The following CHD9 variants were observed in gnomAD, a reference collection of about 807,000 sequenced individuals.
CHD9 encodes ATP-dependent chromatin remodeler CHD9.
Under a neutral mutation model 316.1 loss-of-function variants are expected in CHD9, and 77 were observed. The observed-to-expected ratio is 0.24, with a 90% CI of 0.20 to 0.29. The LOEUF (loss-of-function observed/expected upper bound fraction) is 0.29, where lower values mean the gene tolerates loss of function less well. Ranked by LOEUF, CHD9 falls within the 10% of genes least tolerant of loss-of-function variation. The probability of loss-of-function intolerance (pLI) is 1.00; values close to 1 mark genes in which losing one functional copy is unlikely to be tolerated. For missense variants in CHD9, 2,763 were observed against 3,438.1 expected (o/e 0.80, Z 4.91); for synonymous variants, 1,129 against 1,158.3 (o/e 0.97, Z 0.51).
chr16:53,124,860 C>T (rs2038902442), intron 1 of CHD9, among the ~76,000 whole-genome samples: 1 of 152,100 alleles, frequency 6.6e-6, no homozygotes, highest in African/African-American at 2.4e-5. Flanking sequence ...GGCCCTCCCA[C>T]TACACGTGGG....
At position 53,098,246 on chromosome 16, in the gene CHD9, C is replaced by T. The variant is rs547218427; in HGVS notation, c.-165+43169C>T. Among the ~76,000 whole-genome samples the T allele has an allele frequency of 3.5e-4, 52 of 150,314 alleles. 1 individual carries two copies. The highest frequency in any genetic ancestry group is 7.6e-3 in the Middle Eastern group (2 of 264). On this transcript the variant is annotated intron_variant, in intron 1 of 38. Coordinates refer to ENST00000447540, the MANE Select transcript of CHD9 (RefSeq NM_001308319.2). ...ATCCCAGCACTTTGGGAGGCCGAGG[C>T]GGGTGGATCACCTGAGGTCAGGAGT...
chr16:53,240,654 TA>T (rs1322277840), intron 12 of CHD9, among the ~76,000 whole-genome samples: 1 of 152,078 alleles, frequency 6.6e-6, no homozygotes, highest in Non-Finnish European at 1.5e-5. Context: ...CATTATCGAA[TA>T]GCTTGAAATA....
chr16:53,267,192 C>A, intron 20 of CHD9, 102 bp from the exon 21 acceptor site: 1 of 671,256 alleles, frequency 1.5e-6, no homozygotes, highest in Non-Finnish European at 2.3e-6. Context: ...TTCTTTTTGT[C>A]TGTGTTTCTG....
At chr16:53,319,255 T>A (rs190243559) in intron 37 of CHD9, among the ~76,000 whole-genome samples, 1 of 152,322 alleles carries the variant, frequency 6.6e-6, no homozygotes, top group African/African-American at 2.4e-5. Context: ...ATTGCGTTAT[T>A]TTTCTCATAC....
At chr16:53,313,345 G>A (rs1352279039) in intron 34 of CHD9, among the ~76,000 whole-genome samples, 1 of 151,896 alleles carries the variant, frequency 6.6e-6, no homozygotes, top group Non-Finnish European at 1.5e-5. Flanking sequence ...TCATTCTGTT[G>A]CCCAGGCTGG....
chr16:53,249,073 G>A (rs763988130), intron 16 of CHD9, among the ~76,000 whole-genome samples: 8 of 151,778 alleles, frequency 5.3e-5, no homozygotes, highest in African/African-American at 1.7e-4. Context: ...ATCTTCTTAC[G>A]TGGAGAACTT....
intron 1 of CHD9, among the ~76,000 whole-genome samples, chr16:53,151,986 G>A (rs997142462): frequency 5.3e-5 from 8 of 151,996 alleles, no homozygotes; most frequent in Non-Finnish European, 8.8e-5. Context: ...GTGTGTGTGT[G>A]TGTGTGTGAT....
chr16:53,121,939 A>G (rs1567344495), intron 1 of CHD9: 6 of 152,420 alleles, frequency 3.9e-5, no homozygotes, highest in Admixed American at 2.6e-4. Flanking sequence ...AGAGTGGAAA[A>G]GTATCTGAGC....
chr16:53,258,444 T>G (rs2050792609), intron 19 of CHD9, among the ~76,000 whole-genome samples: 1 of 152,114 alleles, frequency 6.6e-6, no homozygotes, highest in Non-Finnish European at 1.5e-5. Flanking sequence ...GTTTTATAAT[T>G]TGTTCATTTC....
At chr16:53,168,048 CTTTATTTATTTA>C (rs557517155) in intron 2 of CHD9, among the ~76,000 whole-genome samples, 1 of 151,314 alleles carries the variant, frequency 6.6e-6, no homozygotes, top group South Asian at 2.1e-4. Context: ...ATAACATTTG[CTTTATTTATTTA>C]TTTATTTATT....
chr16:53,259,756 C>T (rs1412485309), intron 19 of CHD9, among the ~76,000 whole-genome samples: 1 of 152,146 alleles, frequency 6.6e-6, no homozygotes, highest in Non-Finnish European at 1.5e-5. Context: ...CTCAAGAAGT[C>T]GTCCCACCTT....
At chr16:53,283,979 C>T (rs927063035) in intron 24 of CHD9, among the ~76,000 whole-genome samples, 3 of 152,062 alleles carry the variant, frequency 2.0e-5, no homozygotes, top group African/African-American at 7.2e-5. Flanking sequence ...CCATTGTCTT[C>T]TATCTCACCT....
At chr16:53,278,215 A>G (rs556379670) in intron 24 of CHD9, among the ~76,000 whole-genome samples, 3 of 152,190 alleles carry the variant, frequency 2.0e-5, no homozygotes, top group African/African-American at 7.2e-5. Context: ...TGCAATTCCT[A>G]TCAAAATACC....
chr16:53,120,148 CTTG>C lies in CHD9; in HGVS notation c.-164-35777_-164-35775del, dbSNP rs770103790. ...TCAGTAGGCTGAGGTAAGAGGATCG[CTTG>C]AGCCCAGGACTTGGAGGTTGCAACA... On this transcript the variant is annotated intron_variant, in intron 1 of 38. Transcript: ENST00000447540. Among the ~76,000 whole-genome samples, 150 of 152,236 alleles carry C rather than the reference CTTG, an allele frequency of 9.9e-4. 1 individual carries two copies. The highest frequency in any genetic ancestry group is 1.7e-3 in the Non-Finnish European group (115 of 68,014).
intron 7 of CHD9, 132 bp from the exon 8 acceptor site, chr16:53,228,851 A>T (rs1246689350): frequency 2.0e-6 from 1 of 506,540 alleles, no homozygotes; most frequent in Non-Finnish European, 3.5e-6. Flanking sequence ...TCGTAATTCT[A>T]TTAAAGTTAA....
chr16:53,311,826 A>T (rs981346063), intron 34 of CHD9: 1 of 152,224 alleles, frequency 6.6e-6, no homozygotes, highest in South Asian at 2.1e-4. Context: ...TCTTATTTAT[A>T]AAATGAGCTT....
At chr16:53,119,594 A>T (rs2152648117) in intron 1 of CHD9, among the ~76,000 whole-genome samples, 2 of 152,314 alleles carry the variant, frequency 1.3e-5, no homozygotes, top group South Asian at 4.1e-4. Context: ...GCACTTTGGG[A>T]GGCCAAGGCA....
intron 1 of CHD9, among the ~76,000 whole-genome samples, chr16:53,148,828 G>GCTTTTCTGTTTC (rs2040855384): frequency 1.3e-5 from 2 of 152,076 alleles, no homozygotes; most frequent in African/African-American, 4.8e-5. Flanking sequence ...GGTTTAGTTT[G>GCTTTTCTGTTTC]CTTTTCTGTT....
In CHD9 at chr16:53,168,084, C is replaced by T. The variant is rs533693423; in HGVS notation, c.1452+10543C>T. On this transcript the variant is annotated intron_variant, in intron 2 of 38. Coordinates refer to ENST00000447540, the MANE Select transcript of CHD9 (RefSeq NM_001308319.2). ...TATTTATTTATTTATTTTTTTGAGA[C>T]GGAGTCTTGCTCCGTCTCCTAGGCT... Among the ~76,000 whole-genome samples the T allele has an allele frequency of 7.4e-4, 112 of 151,758 alleles. 1 individual carries two copies. Among genetic ancestry groups the T allele is most frequent in the Non-Finnish European group, 5.4e-4 (37 of 67,892 alleles).
Sources: gnomAD v4.1 joint callset for allele counts (sites outside exome capture counted in the v4.1 genomes callset) on GRCh38, gnomAD v4.1.1 for gene constraint, MANE v1.5 for transcripts, NCBI Gene and HGNC (gene_info 2026-07-23, HGNC 2026-07-21) for gene names.